The following PLPPR5 variants were observed in gnomAD, a reference collection of about 807,000 sequenced individuals.
PLPPR5 encodes the protein phospholipid phosphatase-related protein type 5.
A neutral mutation model predicts 33.9 loss-of-function variants in PLPPR5; 16 were observed. That is an observed-to-expected ratio of 0.47 (90% CI 0.32 to 0.72). PLPPR5 has a LOEUF of 0.72. Among genes scored for constraint, PLPPR5 ranks in the 30% least tolerant of loss-of-function variants. PLPPR5 has a pLI of 0.03. For synonymous variants in PLPPR5, 163 were observed against 150.3 expected (o/e 1.08, Z -0.62); for missense variants, 301 against 406.7 (o/e 0.74, Z 2.23).
intron 3 of PLPPR5, among the ~76,000 whole-genome samples, chr1:98,935,349 G>C (rs1238759864): frequency 6.6e-6 from 1 of 152,132 alleles, no homozygotes; most frequent in African/African-American, 2.4e-5. Flanking sequence ...ATTTTTATTA[G>C]CAATCCAGGT....
At chr1:98,895,483 T>G (rs1181871129) in intron 5 of PLPPR5, among the ~76,000 whole-genome samples, 1 of 152,002 alleles carries the variant, frequency 6.6e-6, no homozygotes, top group Non-Finnish European at 1.5e-5. Flanking sequence ...GGTGAGCTAT[T>G]GAGATCTAGA....
chr1:98,969,583 T>G (rs1651582119), intron 1 of PLPPR5, among the ~76,000 whole-genome samples: 5 of 151,996 alleles, frequency 3.3e-5, no homozygotes, highest in Admixed American at 3.3e-4. Flanking sequence ...TTTCTTACAG[T>G]ATGGAAGACC....
chr1:98,998,562 G>A (rs567608728), intron 1 of PLPPR5, among the ~76,000 whole-genome samples: 1 of 152,120 alleles, frequency 6.6e-6, no homozygotes, highest in South Asian at 2.1e-4. Flanking sequence ...TGAAATCGAG[G>A]ATAAAAGGTT....
At chr1:98,923,763 T>C (rs1387568000) in intron 3 of PLPPR5, among the ~76,000 whole-genome samples, 1 of 152,156 alleles carries the variant, frequency 6.6e-6, no homozygotes, top group Non-Finnish European at 1.5e-5. Context: ...ATTTCAGTTA[T>C]GGAGGGTAAG....
chr1:98,929,147 A>T (rs1366754734), intron 3 of PLPPR5, among the ~76,000 whole-genome samples: 1 of 152,196 alleles, frequency 6.6e-6, no homozygotes, highest in Non-Finnish European at 1.5e-5. Flanking sequence ...TAAATTACTG[A>T]ACTTCTCTGA....
At chr1:99,000,219 A>G (rs575127431) in intron 1 of PLPPR5, among the ~76,000 whole-genome samples, 1 of 152,358 alleles carries the variant, frequency 6.6e-6, no homozygotes, top group African/African-American at 2.4e-5. Flanking sequence ...ATCTCTGTAA[A>G]TAAGCCCAAA....
At chr1:98,936,903 T>C (rs982518289) in intron 3 of PLPPR5, among the ~76,000 whole-genome samples, 1 of 152,208 alleles carries the variant, frequency 6.6e-6, no homozygotes, top group Non-Finnish European at 1.5e-5. Context: ...ATGGCTGTTG[T>C]TGTTTGAACC....
chr1:98,941,989 C>CGT (rs1491283099), intron 3 of PLPPR5, among the ~76,000 whole-genome samples: 3 of 47,260 alleles, frequency 6.3e-5, no homozygotes, highest in African/African-American at 1.7e-4. Flanking sequence ...TATATGTATA[C>CGT]GTATATATAT....
chr1:99,005,411 C>G (rs1653051977), upstream of PLPPR5, among the ~76,000 whole-genome samples: 1 of 152,198 alleles, frequency 6.6e-6, no homozygotes, highest in Middle Eastern at 3.4e-3. Context: ...GGTTTCTAGG[C>G]GCTGTTAGAA....
intron 1 of PLPPR5, among the ~76,000 whole-genome samples, chr1:98,975,951 T>A (rs1439088609): frequency 6.6e-6 from 1 of 151,880 alleles, no homozygotes; most frequent in East Asian, 1.9e-4. Flanking sequence ...TGGCATGTAA[T>A]ATATATATAC....
At chr1:98,924,310 G>A (rs1649673330) in intron 3 of PLPPR5, among the ~76,000 whole-genome samples, 3 of 152,158 alleles carry the variant, frequency 2.0e-5, no homozygotes, top group Non-Finnish European at 2.9e-5. Flanking sequence ...TGATGATTGT[G>A]GTGGCACTGT....
At position 99,004,411 on chromosome 1, in the gene PLPPR5, G is replaced by A. The variant is rs377283857; in HGVS notation, c.237+24C>T. On this transcript the variant is annotated intron_variant, in intron 1 of 5. Coordinates refer to ENST00000263177, the MANE Select transcript of PLPPR5 (RefSeq NM_001037317.2). ...GGGGCGAGATCAGGGACTCGGCGAC[G>A]AGGGCGAGCGCCCCCGGGCTTACCA... 41 of 1,565,932 alleles carry A rather than the reference G, an allele frequency of 2.6e-5. No homozygotes were observed. In the African/African-American group the frequency reaches 5.3e-4, roughly 20 times the overall value.
chr1:99,002,722 TGG>T lies in PLPPR5; in HGVS notation c.237+1711_237+1712del, dbSNP rs1212882476. Among the ~76,000 whole-genome samples the T allele has an allele frequency of 2.0e-5, 3 of 152,122 alleles. No individual in the cohort carries two copies. The East Asian group carries it at 5.8e-4, about 29-fold the overall frequency. ...ACTAGCACCTGCCACCATGATTGGA[TGG>T]TTAGGACTGAAAAGTGCTATCTTAT... On this transcript the variant is annotated intron_variant, in intron 1 of 5. Transcript: ENST00000263177.
chr1:98,984,988 A>G (rs2100755466), intron 1 of PLPPR5, among the ~76,000 whole-genome samples: 1 of 152,144 alleles, frequency 6.6e-6, no homozygotes, highest in South Asian at 2.1e-4. Flanking sequence ...CTTCATAAAA[A>G]TTTGTATCTA....
intron 3 of PLPPR5, among the ~76,000 whole-genome samples, chr1:98,924,422 A>T (rs780944504): frequency 6.6e-6 from 1 of 152,190 alleles, no homozygotes; most frequent in Non-Finnish European, 1.5e-5. Context: ...GAAATGGCCA[A>T]TGAGCATAAG....
In PLPPR5 at chr1:98,893,015, G is replaced by A; in HGVS notation, c.*57C>T. ...CAATCAAACAAACTTTGGGTGTTAT[G>A]AATGGATGGTAAAAAGGGATGATGT... On this transcript the variant is annotated 3_prime_UTR_variant, in exon 6 of 6. Coordinates refer to ENST00000263177, the MANE Select transcript of PLPPR5 (RefSeq NM_001037317.2). The A allele has an allele frequency of 6.4e-7, 1 of 1,551,880 alleles. No individual in the cohort carries two copies. The highest frequency in any genetic ancestry group is 8.9e-7 in the Non-Finnish European group (1 of 1,129,622).
chr1:98,983,149 C>T (rs1652118132), intron 1 of PLPPR5, among the ~76,000 whole-genome samples: 1 of 151,592 alleles, frequency 6.6e-6, no homozygotes, highest in Non-Finnish European at 1.5e-5. Context: ...AGGTTAGTTA[C>T]ATATGTCAAC....
At chr1:98,897,006 T>C (rs1648503172) in intron 5 of PLPPR5, among the ~76,000 whole-genome samples, 1 of 152,138 alleles carries the variant, frequency 6.6e-6, no homozygotes, top group Admixed American at 6.6e-5. Context: ...ATTACAGCTA[T>C]AGGAAAACAA....
chr1:98,971,676 T>C (rs997292288), intron 1 of PLPPR5, among the ~76,000 whole-genome samples: 2 of 152,078 alleles, frequency 1.3e-5, no homozygotes, highest in African/African-American at 4.8e-5. Context: ...AGTCATCACA[T>C]CCCAGCAGTT....
Sources: gnomAD v4.1 joint callset for allele counts (sites outside exome capture counted in the v4.1 genomes callset) on GRCh38, gnomAD v4.1.1 for gene constraint, MANE v1.5 for transcripts, NCBI Gene and HGNC (gene_info 2026-07-23, HGNC 2026-07-21) for gene names.